MTURN: variants seen among roughly 807,000 people sequenced by gnomAD.
MTURN encodes the protein maturin, neural progenitor differentiation regulator homolog.
MTURN carries 7 observed loss-of-function variants against 14.9 expected under a neutral mutation model. The ratio of observed to expected loss-of-function variants is 0.47; its 90% CI spans 0.27 to 0.88. The LOEUF is 0.88. MTURN is among the 40% of genes least tolerant of loss of function. The pLI is 0.14. For synonymous variants in MTURN, 69 were observed against 72.5 expected (o/e 0.95, Z 0.25); for missense variants, 151 against 174.1 (o/e 0.87, Z 0.75).
intron 1 of MTURN, among the ~76,000 whole-genome samples, chr7:30,139,474 AC>A (rs1364769629): frequency 6.6e-6 from 1 of 152,154 alleles, no homozygotes; most frequent in Admixed American, 6.5e-5. Flanking sequence ...ACAACATGGG[AC>A]CCAATCTAGA....
chr7:30,142,688 C>G (rs143869441), intron 1 of MTURN, among the ~76,000 whole-genome samples: 3 of 151,916 alleles, frequency 2.0e-5, no homozygotes, highest in East Asian at 1.9e-4. Context: ...CTCTGCCCCC[C>G]CAGCACGCAA....
intron 1 of MTURN, among the ~76,000 whole-genome samples, chr7:30,139,088 G>A (rs896726785): frequency 6.6e-6 from 1 of 152,154 alleles, no homozygotes; most frequent in African/African-American, 2.4e-5. Flanking sequence ...GGCCTTGTCT[G>A]TGTTATCACT....
At chr7:30,144,865 C>G (rs2128031430) in intron 1 of MTURN, among the ~76,000 whole-genome samples, 1 of 150,708 alleles carries the variant, frequency 6.6e-6, no homozygotes, top group South Asian at 2.1e-4. Flanking sequence ...TTCTATCCTG[C>G]TATCTGGCCG....
intron 1 of MTURN, chr7:30,145,820 C>T: frequency 1.3e-6 from 2 of 1,527,994 alleles, no homozygotes; most frequent in Non-Finnish European, 1.8e-6. Context: ...AAGGCAAAGG[C>T]TCTGGTTTCT....
At chr7:30,149,424 CT>C (rs1797175177) in intron 2 of MTURN, among the ~76,000 whole-genome samples, 1 of 152,294 alleles carries the variant, frequency 6.6e-6, no homozygotes, top group East Asian at 1.9e-4. Context: ...CGGTTTACCC[CT>C]GAGGGCAAGG....
chr7:30,135,713 G>A (rs1356863228), intron 1 of MTURN, among the ~76,000 whole-genome samples: 1 of 152,214 alleles, frequency 6.6e-6, no homozygotes, highest in Non-Finnish European at 1.5e-5. Flanking sequence ...CCCTCCGGCA[G>A]GAGCCCAGGT....
At chr7:30,146,954 C>G (rs1222999373) in intron 2 of MTURN, among the ~76,000 whole-genome samples, 1 of 152,154 alleles carries the variant, frequency 6.6e-6, no homozygotes, top group African/African-American at 2.4e-5. Flanking sequence ...AAGATAAAGT[C>G]CCATCACCAG....
rs1234202973 is a variant in MTURN, at chr7:30,162,739, G to A, written c.*5191G>A. On this transcript the variant is annotated 3_prime_UTR_variant, in exon 3 of 3. Transcript: ENST00000324453. ...CCGACCATGTAATTACCATTCGCTTGCTATTAAAGAGCCTTTCAAACTCTG... is the reference window on the plus strand; with the variant it reads ...CCGACCATGTAATTACCATTCGCTTACTATTAAAGAGCCTTTCAAACTCTG... The A allele has an allele frequency of 6.6e-6, 1 of 152,494 alleles. No individual in the cohort carries two copies. Among genetic ancestry groups the A allele is most frequent in the African/African-American group, 2.4e-5 (1 of 41,424 alleles). 9.4% of individuals were successfully genotyped at this position (152,494 alleles called of 1,614,324 possible).
intron 1 of MTURN, among the ~76,000 whole-genome samples, chr7:30,145,499 GA>G (rs935092839): frequency 6.8e-6 from 1 of 147,840 alleles, no homozygotes; most frequent in Non-Finnish European, 1.5e-5. Flanking sequence ...GTCTGAAAAA[GA>G]AAAAGAAAAA....
chr7:30,150,242 AG>A (rs1239415095), intron 2 of MTURN, among the ~76,000 whole-genome samples: 1 of 152,226 alleles, frequency 6.6e-6, no homozygotes, highest in African/African-American at 2.4e-5. Context: ...GGATAGGATG[AG>A]GATACTAGAC....
intron 2 of MTURN, among the ~76,000 whole-genome samples, chr7:30,156,530 T>C (rs1315326732): frequency 6.6e-6 from 1 of 151,336 alleles, no homozygotes; most frequent in Non-Finnish European, 1.5e-5. Flanking sequence ...TACACACATA[T>C]ATAAAGAAAC....
At position 30,135,149 on chromosome 7, in the gene MTURN, C is replaced by G. The variant is rs533855759; in HGVS notation, c.13C>G (p.Gln5Glu). Reference sequence around the variant, plus strand: ...GCGCGGGGCCGCGATGGATTTCCAGCAGCTGGCCGACGTTGCGGAGAAATG... The same window carrying G: ...GCGCGGGGCCGCGATGGATTTCCAGGAGCTGGCCGACGTTGCGGAGAAATG... Reference protein sequence around the residue: MDFQQLADVAEKWCS... With the variant: MDFQELADVAEKWCS... Residue 5 changes from glutamine (Q) to glutamate (E), a missense_variant, in exon 1 of 3, where the codon CAG becomes GAG. By Grantham distance (29) the Gln-to-Glu change is conservative. Transcript: ENST00000324453. The G allele has an allele frequency of 6.2e-6, 9 of 1,459,414 alleles. No individual in the cohort carries two copies. In the East Asian group the frequency reaches 2.8e-4, roughly 46 times the overall value. 90.4% of individuals were successfully genotyped at this position (1,459,414 alleles called of 1,614,324 possible).
Position 30,162,693 on chromosome 7 carries a change from C to T in MTURN, c.*5145C>T, listed in dbSNP as rs139321528. 3 of 152,732 alleles carry T rather than the reference C, an allele frequency of 2.0e-5. No individual in the cohort carries two copies. Among genetic ancestry groups the T allele is most frequent in the African/African-American group, 7.2e-5 (3 of 41,548 alleles). The allele number at this position is 152,732 out of a possible 1,614,324, so 9.5% of individuals were successfully genotyped here. On this transcript the variant is annotated 3_prime_UTR_variant, in exon 3 of 3. Coordinates refer to ENST00000324453, the MANE Select transcript of MTURN (RefSeq NM_152793.3). ...GTCCACCTCTGCTCCCTCCTCCCTCCCCTGAGAGTGAGGACCTCATCCGAC... is the reference window on the plus strand; with the variant it reads ...GTCCACCTCTGCTCCCTCCTCCCTCTCCTGAGAGTGAGGACCTCATCCGAC...
At chr7:30,137,730 C>T (rs1562566603) in intron 1 of MTURN, 3 of 468,684 alleles carry the variant, frequency 6.4e-6, no homozygotes, top group Middle Eastern at 3.2e-4. Context: ...AATAAGTGTC[C>T]TGCCTTAGTT....
intron 1 of MTURN, among the ~76,000 whole-genome samples, chr7:30,140,347 T>A (rs879642239): frequency 5.3e-5 from 8 of 151,396 alleles, no homozygotes; most frequent in African/African-American, 1.7e-4. Flanking sequence ...GAAAAAGGCT[T>A]TATTTATGGC....
Position 30,136,232 on chromosome 7 carries a change from C to T in MTURN, c.162+934C>T, listed in dbSNP as rs78264754. On this transcript the variant is annotated intron_variant, in intron 1 of 2. Transcript: ENST00000324453. ...CTGGGACTGCGGTGTCCAAACCTTC[C>T]ACTTTGAATCCTGCACCCACCTGGG... 5.7e-3 allele frequency among the ~76,000 whole-genome samples: 869 copies of T among 152,334 alleles called. 9 individuals carry two copies. Among genetic ancestry groups the T allele is most frequent in the African/African-American group, 0.019 (799 of 41,560 alleles).
In MTURN at chr7:30,161,552, C is replaced by T. The variant is rs900420421; in HGVS notation, c.*4004C>T. On this transcript the variant is annotated 3_prime_UTR_variant, in exon 3 of 3. Coordinates refer to ENST00000324453, the MANE Select transcript of MTURN (RefSeq NM_152793.3). Reference sequence around the variant, plus strand: ...AGATCTGAGAGGGGCTCCAGGCACCCGGCAGGTAAATCACAAAGCAAACTT... The same window carrying T: ...AGATCTGAGAGGGGCTCCAGGCACCTGGCAGGTAAATCACAAAGCAAACTT... 1.3e-5 allele frequency: 2 copies of T among 152,182 alleles called. No individual in the cohort carries two copies. Among genetic ancestry groups the T allele is most frequent in the Admixed American group, 6.5e-5 (1 of 15,274 alleles). The allele number at this position is 152,182 out of a possible 1,614,324, so 9.4% of individuals were successfully genotyped here.
chr7:30,140,063 A>G (rs1438305135), intron 1 of MTURN, among the ~76,000 whole-genome samples: 1 of 152,126 alleles, frequency 6.6e-6, no homozygotes, highest in Middle Eastern at 3.2e-3. Context: ...AGCCACTTGG[A>G]TGCCAGATAA....
At chr7:30,136,399 C>T (rs1796961918) in intron 1 of MTURN, among the ~76,000 whole-genome samples, 1 of 152,118 alleles carries the variant, frequency 6.6e-6, no homozygotes, top group Non-Finnish European at 1.5e-5. Context: ...AAGATGGAGG[C>T]GGCCGTGGGC....
Sources: gnomAD v4.1 joint callset for allele counts (sites outside exome capture counted in the v4.1 genomes callset) on GRCh38, gnomAD v4.1.1 for gene constraint, MANE v1.5 for transcripts, NCBI Gene and HGNC (gene_info 2026-07-23, HGNC 2026-07-21) for gene names.